Variants in MINDY4 observed in about 807,000 individuals in gnomAD.
The protein encoded by MINDY4 is probable ubiquitin carboxyl-terminal hydrolase MINDY-4.
MINDY4 carries 68 observed loss-of-function variants against 87.0 expected under a neutral mutation model. That is an observed-to-expected ratio of 0.78 (90% CI 0.64 to 0.96). MINDY4 has a LOEUF of 0.96. Among genes scored for constraint, MINDY4 ranks in the 40% least tolerant of loss-of-function variants. The pLI, the probability that MINDY4 is intolerant of heterozygous loss-of-function variation, is 0.00. For synonymous variants in MINDY4, 379 were observed against 363.2 expected (o/e 1.04, Z -0.50); for missense variants, 919 against 928.2 (o/e 0.99, Z 0.13).
intron 5 of MINDY4, among the ~76,000 whole-genome samples, chr7:30,806,917 G>T (rs779066306): frequency 3.2e-4 from 48 of 152,220 alleles, no homozygotes; most frequent in Non-Finnish European, 5.6e-4. Flanking sequence ...CCCTGCTTCT[G>T]CCTTGAGCCC....
chr7:30,815,061 G>A (rs569501074), intron 5 of MINDY4, among the ~76,000 whole-genome samples: 1 of 152,198 alleles, frequency 6.6e-6, no homozygotes, highest in Non-Finnish European at 1.5e-5. Flanking sequence ...TCCCTGACAC[G>A]TTGGTTGGTC....
intron 13 of MINDY4, among the ~76,000 whole-genome samples, chr7:30,865,944 G>A (rs1789920964): frequency 6.6e-6 from 1 of 152,196 alleles, no homozygotes; most frequent in African/African-American, 2.4e-5. Flanking sequence ...GCCCTAGATA[G>A]GCCCATACCA....
At chr7:30,809,878 T>TA (rs1787930739) in intron 5 of MINDY4, among the ~76,000 whole-genome samples, 1 of 151,878 alleles carries the variant, frequency 6.6e-6, no homozygotes, top group Non-Finnish European at 1.5e-5. Context: ...ACTGGTAGTC[T>TA]AAAGAAAGAA....
intron 6 of MINDY4, among the ~76,000 whole-genome samples, chr7:30,834,371 C>T (rs1230114186): frequency 2.0e-5 from 3 of 152,232 alleles, no homozygotes; most frequent in Admixed American, 6.5e-5. Flanking sequence ...CTGAGCTGTA[C>T]ATTGGCCCCT....
chr7:30,813,333 T>TA (rs1035656564), intron 5 of MINDY4, among the ~76,000 whole-genome samples: 1 of 152,168 alleles, frequency 6.6e-6, no homozygotes. Context: ...TGCCCTGTGT[T>TA]AAAGTGTTCA....
intron 5 of MINDY4, among the ~76,000 whole-genome samples, chr7:30,808,668 C>T (rs1787890280): frequency 6.6e-6 from 1 of 152,160 alleles, no homozygotes; most frequent in Non-Finnish European, 1.5e-5. Flanking sequence ...GACTGGCCAG[C>T]ATTAGAGGTG....
chr7:30,804,973 G>A (rs2128556581), intron 5 of MINDY4, among the ~76,000 whole-genome samples: 1 of 152,344 alleles, frequency 6.6e-6, no homozygotes, highest in South Asian at 2.1e-4. Context: ...TGTGAGTGGT[G>A]GGAAGAGGGT....
chr7:30,810,726 TAA>T (rs1267235679), intron 5 of MINDY4, among the ~76,000 whole-genome samples: 2 of 152,198 alleles, frequency 1.3e-5, no homozygotes, highest in Non-Finnish European at 2.9e-5. Flanking sequence ...TTATTAAAAC[TAA>T]GTTTAATATT....
intron 4 of MINDY4, among the ~76,000 whole-genome samples, chr7:30,786,832 G>A (rs1787171265): frequency 6.6e-6 from 1 of 151,934 alleles, no homozygotes; most frequent in Non-Finnish European, 1.5e-5. Context: ...ATTCCATTAG[G>A]CAGAGAGACA....
intron 15 of MINDY4, among the ~76,000 whole-genome samples, chr7:30,878,532 C>T (rs1050375997): frequency 1.6e-4 from 25 of 152,296 alleles, no homozygotes; most frequent in South Asian, 6.2e-4. Context: ...CACACCTGGC[C>T]CAGGACAAGG....
rs916545375 is a variant in MINDY4 at position 30,845,861 on chromosome 7, C to T, written c.1446-4593C>T. Among the ~76,000 whole-genome samples, 10 of 152,340 alleles carry T rather than the reference C, an allele frequency of 6.6e-5. No individual in the cohort carries two copies. In the South Asian group the frequency reaches 1.0e-3, roughly 16 times the overall value. On this transcript the variant is annotated intron_variant, in intron 9 of 17. Transcript: ENST00000265299. ...TTCATTACGACTCATTCCATCAGGC[C>T]GGCAGCCGGCCTCTCCTCAGTCGGG... is the stretch of plus-strand genomic sequence containing the variant.
intron 5 of MINDY4, among the ~76,000 whole-genome samples, chr7:30,814,799 A>G (rs1290841577): frequency 6.6e-6 from 1 of 152,226 alleles, no homozygotes; most frequent in African/African-American, 2.4e-5. Flanking sequence ...TCACCTTTCT[A>G]AAAGTAAATG....
At position 30,778,534 on chromosome 7, in the gene MINDY4, C is replaced by G; in HGVS notation, c.166C>G (p.Leu56Val). 1 of 1,614,204 alleles carries G rather than the reference C, an allele frequency of 6.2e-7. No individual in the cohort carries two copies. Among genetic ancestry groups the G allele is most frequent in the Non-Finnish European group, 8.5e-7 (1 of 1,180,038 alleles). ...DLRKVLHLEF[L>V]YKENKAKENP... ...TCGAAAGGTTTTGCATCTTGAATTT[C>G]TCTATAAGGAGAACAAGGTATGTGC... Residue 56 changes from leucine to valine, a missense_variant, in exon 2 of 18, where the codon CTC becomes GTC. By Grantham distance (32) the Leu-to-Val change is conservative. Coordinates refer to ENST00000265299, the MANE Select transcript of MINDY4 (RefSeq NM_032222.3).
intron 15 of MINDY4, among the ~76,000 whole-genome samples, chr7:30,881,436 C>T (rs1584354420): frequency 6.6e-6 from 1 of 152,226 alleles, no homozygotes; most frequent in Non-Finnish European, 1.5e-5. Context: ...TTCTCTGTCC[C>T]TCCATTCCTG....
At chr7:30,853,305 G>A in intron 11 of MINDY4, 89 bp from the exon 12 acceptor site, 1 of 1,094,318 alleles carries the variant, frequency 9.1e-7, no homozygotes. Flanking sequence ...GGATTTTGTA[G>A]CTACTAAAGC....
chr7:30,831,797 C>G (rs1264070472), intron 6 of MINDY4, among the ~76,000 whole-genome samples: 1 of 152,138 alleles, frequency 6.6e-6, no homozygotes, highest in Non-Finnish European at 1.5e-5. Flanking sequence ...TCTTTGACTC[C>G]CTATGGAAAT....
intron 5 of MINDY4, among the ~76,000 whole-genome samples, chr7:30,822,524 A>G (rs750888701): frequency 6.6e-5 from 10 of 152,156 alleles, no homozygotes; most frequent in Admixed American, 3.9e-4. Context: ...CCCATAATCA[A>G]ATCTTTCTCA....
At chr7:30,826,670 C>G (rs1324367158) in intron 5 of MINDY4, among the ~76,000 whole-genome samples, 2 of 152,144 alleles carry the variant, frequency 1.3e-5, no homozygotes, top group African/African-American at 4.8e-5. Flanking sequence ...AGTTATTGCC[C>G]TTGTCTTTGG....
intron 13 of MINDY4, among the ~76,000 whole-genome samples, chr7:30,869,967 A>G (rs961196308): frequency 6.6e-6 from 1 of 152,172 alleles, no homozygotes; most frequent in African/African-American, 2.4e-5. Context: ...ATTCCCCTAG[A>G]GGGAGGTCTG....
Sources: gnomAD v4.1 joint callset for allele counts (sites outside exome capture counted in the v4.1 genomes callset) on GRCh38, gnomAD v4.1.1 for gene constraint, MANE v1.5 for transcripts, NCBI Gene and HGNC (gene_info 2026-07-23, HGNC 2026-07-21) for gene names.